Variants in HOOK3 observed in about 807,000 individuals in gnomAD.
HOOK3 encodes the protein hook microtubule tethering protein 3, also known as protein Hook homolog 3.
In HOOK3, 24 loss-of-function variants were observed where a neutral mutation model predicts 116.3. The observed-to-expected ratio is 0.21, with a 90% CI of 0.15 to 0.29. HOOK3 has a LOEUF of 0.29. Ranked by LOEUF, HOOK3 falls within the 10% of genes least tolerant of loss-of-function variation. The pLI is 1.00. For missense variants in HOOK3, 632 were observed against 830.2 expected, an observed-to-expected ratio of 0.76 and a Z score of 2.93; for synonymous variants, 275 against 283.0, an observed-to-expected ratio of 0.97 and a Z score of 0.28.
chr8:42,958,579 C>T (rs1024347566), intron 7 of HOOK3, among the ~76,000 whole-genome samples: 5 of 145,918 alleles, frequency 3.4e-5, no homozygotes, highest in African/African-American at 1.3e-4. Flanking sequence ...TAACTATTTT[C>T]ACAACAGTTT....
rs78321351 is a variant in HOOK3, at chr8:43,023,495, C to G, written c.*4997C>G. ...TCCCTTCCCTTCCCCTCCCCTCCCC[C>G]AGGCTGGAGTGCAGAGGCACGATCC... On this transcript the variant is annotated 3_prime_UTR_variant, in exon 22 of 22. Transcript: ENST00000307602. The G allele has an allele frequency of 5.8e-6, 1 of 171,280 alleles. No homozygotes were observed. Among genetic ancestry groups the G allele is most frequent in the African/African-American group, 2.4e-5 (1 of 41,946 alleles). The allele number at this position is 171,280 out of a possible 1,614,324, so 10.6% of individuals were successfully genotyped here. A position where few individuals can be genotyped will look rare whatever the true frequency, so the allele number is the denominator to read the frequency against.
intron 15 of HOOK3, among the ~76,000 whole-genome samples, chr8:42,995,723 C>T (rs1229083269): frequency 6.6e-6 from 1 of 152,144 alleles, no homozygotes; most frequent in African/African-American, 2.4e-5. Context: ...AATGTAAAAT[C>T]AGATTCCTAT....
intron 16 of HOOK3, chr8:42,997,881 T>C: frequency 7.7e-6 from 3 of 391,402 alleles, no homozygotes; most frequent in Non-Finnish European, 1.4e-5. Context: ...AAGAATTAAT[T>C]GAGGCTTTAT....
chr8:42,986,977 T>G (rs1809060302), intron 15 of HOOK3, among the ~76,000 whole-genome samples, 182 bp downstream of exon 15: 2 of 152,010 alleles, frequency 1.3e-5, no homozygotes, highest in African/African-American at 4.8e-5. Flanking sequence ...GGCAACATGG[T>G]GAATGAAACT....
chr8:42,911,820 AAAG>A (rs1457747878), intron 2 of HOOK3, among the ~76,000 whole-genome samples: 6 of 152,212 alleles, frequency 3.9e-5, no homozygotes, highest in African/African-American at 1.4e-4. Flanking sequence ...TGGAACACTG[AAAG>A]AAGATCTGCT....
At chr8:42,942,442 G>A (rs1313841128) in intron 4 of HOOK3, among the ~76,000 whole-genome samples, 1 of 152,214 alleles carries the variant, frequency 6.6e-6, no homozygotes, top group Non-Finnish European at 1.5e-5. Context: ...ACCAGGGCTT[G>A]TGTTTACCTT....
At chr8:42,997,502 G>A in intron 15 of HOOK3, 48 bp from the exon 16 acceptor site, 3 of 1,118,940 alleles carry the variant, frequency 2.7e-6, no homozygotes, top group Non-Finnish European at 4.0e-6. Flanking sequence ...GGGAAAAAAG[G>A]CATACGTAAC....
chr8:42,988,296 A>G (rs528659975), intron 15 of HOOK3, among the ~76,000 whole-genome samples: 1 of 152,270 alleles, frequency 6.6e-6, no homozygotes, highest in East Asian at 1.9e-4. Flanking sequence ...AAGTGTCTTG[A>G]TGTTCGCCTC....
chr8:42,973,549 G>T, intron 12 of HOOK3, 150 bp downstream of exon 12: 1 of 551,070 alleles, frequency 1.8e-6, no homozygotes, highest in Non-Finnish European at 3.1e-6. Flanking sequence ...TTCCATTTGT[G>T]TTTCAGAAAT....
chr8:42,925,503 G>GT (rs1807747177), intron 2 of HOOK3, 54 bp from the exon 3 acceptor site: 1 of 1,209,190 alleles, frequency 8.3e-7, no homozygotes, highest in East Asian at 2.4e-5. Flanking sequence ...AATTTTCTTT[G>GT]TTTAGCTTGA....
chr8:42,959,418 C>A, intron 8 of HOOK3, 104 bp downstream of exon 8: 1 of 747,904 alleles, frequency 1.3e-6, no homozygotes, highest in Non-Finnish European at 2.2e-6. Flanking sequence ...ATAACGCAAC[C>A]CTTTTTTAGG....
At chr8:42,958,908 T>C (rs1289116504) in intron 7 of HOOK3, among the ~76,000 whole-genome samples, 1 of 152,186 alleles carries the variant, frequency 6.6e-6, no homozygotes, top group Non-Finnish European at 1.5e-5. Flanking sequence ...ATACATATTT[T>C]ATGAAGGTAA....
intron 16 of HOOK3, among the ~76,000 whole-genome samples, chr8:43,001,575 T>A (rs1180234695): frequency 6.6e-6 from 1 of 151,986 alleles, no homozygotes; most frequent in Admixed American, 6.6e-5. Flanking sequence ...CAGTGAAAGC[T>A]ACATTCTCCA....
In HOOK3 at chr8:43,030,425, A is replaced by G; in HGVS notation, c.*11927A>G. 1 of 178,518 alleles carries G rather than the reference A, an allele frequency of 5.6e-6. No individual in the cohort carries two copies. 11.1% of individuals were successfully genotyped at this position (178,518 alleles called of 1,614,324 possible). A position where few individuals can be genotyped will look rare whatever the true frequency, so the allele number is the denominator to read the frequency against. ...TATATGTATATGTATATGAAGAATA[A>G]AGTTAAGATTTGGTCAAACTATATT... is the stretch of plus-strand genomic sequence containing the variant. On this transcript the variant is annotated 3_prime_UTR_variant, in exon 22 of 22. Transcript: ENST00000307602.
rs1055183119 is a variant in HOOK3, at chr8:43,026,058, T to C, written c.*7560T>C. The stretch of plus-strand genomic sequence containing the variant: ...TGAGAGAAAGAAGACTACCAAAGCA[T>C]GTTGAGGCTTTAACATGGGAGACTT... On this transcript the variant is annotated 3_prime_UTR_variant, in exon 22 of 22. Transcript: ENST00000307602. The C allele has an allele frequency of 4.8e-6, 1 of 207,878 alleles. No homozygotes were observed. The highest frequency in any genetic ancestry group is 2.3e-5 in the African/African-American group (1 of 43,944). 12.9% of individuals were successfully genotyped at this position (207,878 alleles called of 1,614,324 possible).
chr8:42,911,065 C>G (rs1411472629), intron 2 of HOOK3, among the ~76,000 whole-genome samples: 1 of 152,080 alleles, frequency 6.6e-6, no homozygotes, highest in Admixed American at 6.5e-5. Flanking sequence ...AGGAAAGGTG[C>G]GAGTGGTTAC....
chr8:42,990,018 A>T (rs537753455), intron 15 of HOOK3, among the ~76,000 whole-genome samples: 60 of 151,942 alleles, frequency 3.9e-4, no homozygotes, highest in Admixed American at 3.5e-3. Flanking sequence ...TTTTTTTGAG[A>T]CAGGATCTTA....
intron 4 of HOOK3, among the ~76,000 whole-genome samples, chr8:42,930,939 T>C (rs1247207638): frequency 6.6e-6 from 1 of 152,244 alleles, no homozygotes; most frequent in Non-Finnish European, 1.5e-5. Context: ...GTAGTCTCGC[T>C]GGTGACCCTG....
At chr8:42,978,590 T>G (rs1267072218) in intron 13 of HOOK3, among the ~76,000 whole-genome samples, 1 of 152,090 alleles carries the variant, frequency 6.6e-6, no homozygotes, top group African/African-American at 2.4e-5. Flanking sequence ...TTTGTATTTT[T>G]TTTAGTAGAA....
Sources: allele counts gnomAD v4.1 joint callset (sites outside exome capture counted in the v4.1 genomes callset), GRCh38; gene constraint gnomAD v4.1.1; transcripts MANE v1.5; gene names NCBI Gene and HGNC (gene_info 2026-07-23, HGNC 2026-07-21).